The following POLR3A variants were observed in gnomAD, a reference collection of about 807,000 sequenced individuals.
The protein encoded by POLR3A is DNA-directed RNA polymerase III subunit RPC1.
Under a neutral mutation model 152.8 loss-of-function variants are expected in POLR3A, and 112 were observed. The observed-to-expected ratio is 0.73, with a 90% CI of 0.63 to 0.86. POLR3A has a LOEUF of 0.86. POLR3A is among the 40% of genes least tolerant of loss of function. The pLI is 0.00. For synonymous variants in POLR3A, 615 were observed against 652.1 expected (o/e 0.94, Z 0.87); for missense variants, 1,385 against 1,743.1 (o/e 0.79, Z 3.66).
At chr10:78,017,129 G>T (rs944305874) in intron 10 of POLR3A, among the ~76,000 whole-genome samples, 1 of 151,860 alleles carries the variant, frequency 6.6e-6, no homozygotes, top group African/African-American at 2.4e-5. Context: ...GAGACCAATA[G>T]TTATGAAAGG....
Position 77,982,756 on chromosome 10 carries a change from T to A in POLR3A, c.3491A>T (p.Asp1164Val), listed in dbSNP as rs745494183. 1.2e-6 allele frequency: 2 copies of A among 1,613,974 alleles called. No homozygotes were observed. Among genetic ancestry groups the A allele is most frequent in the East Asian group, 4.5e-5 (2 of 44,864 alleles). Reference protein sequence around the residue: ...CTSKLRVKPGDVAVHGEAVVC... With the variant: ...CTSKLRVKPGVVAVHGEAVVC... Reference sequence around the variant, plus strand: ...CACAGCCTCACCATGAACAGCCACATCACCGGGCTTCACACGGAGCTTGGA... The same window carrying A: ...CACAGCCTCACCATGAACAGCCACAACACCGGGCTTCACACGGAGCTTGGA... The change falls in exon 27 of 31, where the codon GAT becomes GTT. Residue 1164 changes from aspartate to valine, a missense_variant. By Grantham distance (152) the Asp-to-Val change is radical. Transcript: ENST00000372371.
intron 19 of POLR3A, 82 bp downstream of exon 19, chr10:77,999,899 G>T: frequency 7.4e-7 from 1 of 1,344,772 alleles, no homozygotes; most frequent in Non-Finnish European, 1.1e-6. Context: ...TACAGCTCAT[G>T]TGCAAAACGT....
Position 77,975,594 on chromosome 10 carries a change from TACTC to T in POLR3A, c.*1880_*1883del, listed in dbSNP as rs1434132829. The T allele has an allele frequency of 6.6e-6, 1 of 152,366 alleles. No homozygotes were observed. The highest frequency in any genetic ancestry group is 1.5e-5 in the Non-Finnish European group (1 of 68,116). 9.4% of individuals were successfully genotyped at this position (152,366 alleles called of 1,614,324 possible). ...CCAGACCCTGCAGCGCCCAACTGAG[TACTC>T]ACTCACGCAAGGTGAGGCTCCTTGG... On this transcript the variant is annotated 3_prime_UTR_variant, in exon 31 of 31. Transcript: ENST00000372371.
intron 19 of POLR3A, among the ~76,000 whole-genome samples, chr10:77,994,065 C>G (rs1260123448): frequency 6.6e-6 from 1 of 152,086 alleles, no homozygotes; most frequent in East Asian, 1.9e-4. Flanking sequence ...AAAGTAAAGA[C>G]AAAAAAATTA....
chr10:78,004,409 G>C (rs930245165), intron 16 of POLR3A, among the ~76,000 whole-genome samples: 1 of 152,116 alleles, frequency 6.6e-6, no homozygotes, highest in African/African-American at 2.4e-5. Context: ...GAGCAGCCTC[G>C]TGTGGCCGAA....
chr10:78,001,439 G>C (rs191011818), intron 17 of POLR3A, among the ~76,000 whole-genome samples: 47 of 152,204 alleles, frequency 3.1e-4, no homozygotes, highest in Admixed American at 2.8e-3. Context: ...AAGTGGGTGG[G>C]AAAGTAGGAA....
At chr10:77,999,913 C>T (rs1028989395) in intron 19 of POLR3A, 68 bp downstream of exon 19, 6 of 1,485,184 alleles carry the variant, frequency 4.0e-6, no homozygotes, top group Non-Finnish European at 5.6e-6. Flanking sequence ...AAAACGTGTA[C>T]TCAATAGTCA....
At position 78,025,686 on chromosome 10, in the gene POLR3A, T is replaced by A. The variant is rs1309600867; in HGVS notation, c.254A>T (p.Tyr85Phe). The change falls in exon 3 of 31, where the codon TAT becomes TTT. Residue 85 changes from tyrosine to phenylalanine, a missense_variant. Tyr to Phe is a conservative substitution (Grantham distance 22, BLOSUM62 3). Coordinates refer to ENST00000372371, the MANE Select transcript of POLR3A (RefSeq NM_007055.4). ...AAAACACGGCAACTCCAGGTCGATA[T>A]ACCCATAGTGGCCTAGACAGTCAGC... ...NLADCLGHYG[Y>F]IDLELPCFHV... 1 of 1,613,996 alleles carries A rather than the reference T, an allele frequency of 6.2e-7. No homozygotes were observed. The highest frequency in any genetic ancestry group is 8.5e-7 in the Non-Finnish European group (1 of 1,179,886).
intron 11 of POLR3A, among the ~76,000 whole-genome samples, chr10:78,011,856 A>T (rs1375180428): frequency 6.6e-6 from 1 of 152,190 alleles, no homozygotes; most frequent in African/African-American, 2.4e-5. Context: ...GTAACTAAGG[A>T]TTCTTCTACC....
chr10:77,982,215 C>A lies in POLR3A; in HGVS notation c.3698G>T (p.Arg1233Leu). The change falls in exon 28 of 31, where the codon CGG (arginine) becomes CTG (leucine). Residue 1233 changes from arginine (R) to leucine (L), a missense_variant. Arg to Leu is a moderately radical substitution (Grantham distance 102). Transcript: ENST00000372371. ...YKLLVEGDNL[R>L]AVMATHGVKG... is the part of the protein sequence containing the mutation. Reference sequence around the variant, plus strand: ...CACACCGTGTGTGGCCATGACTGCCCGCAGGTTATCACCTTCCACCAGAAG... The same window carrying A: ...CACACCGTGTGTGGCCATGACTGCCAGCAGGTTATCACCTTCCACCAGAAG... 6.2e-7 allele frequency: 1 copy of A among 1,614,012 alleles called. No homozygotes were observed. The highest frequency in any genetic ancestry group is 8.5e-7 in the Non-Finnish European group (1 of 1,180,004).
At chr10:77,986,514 G>A (rs928860380) in intron 21 of POLR3A, among the ~76,000 whole-genome samples, 5 of 152,230 alleles carry the variant, frequency 3.3e-5, no homozygotes, top group East Asian at 1.9e-4. Context: ...AGACAGGTAC[G>A]ACTGAAGCAT....
chr10:78,027,464 C>CAATGAGACCATTGAGA (rs1228265184), intron 1 of POLR3A, among the ~76,000 whole-genome samples: 1 of 152,046 alleles, frequency 6.6e-6, no homozygotes, highest in Non-Finnish European at 1.5e-5. Context: ...TTGAGACCAT[C>CAATGAGACCATTGAGA]CTGGCTAACA....
At chr10:77,983,890 T>G in intron 26 of POLR3A, 30 bp downstream of exon 26, 1 of 1,398,986 alleles carries the variant, frequency 7.1e-7, no homozygotes, top group Non-Finnish European at 1.0e-6. Flanking sequence ...ACAGGATGAC[T>G]TCCTCTCTAC....
intron 24 of POLR3A, among the ~76,000 whole-genome samples, chr10:77,984,740 C>G (rs1847181534): frequency 6.6e-6 from 1 of 152,194 alleles, no homozygotes; most frequent in African/African-American, 2.4e-5. Flanking sequence ...TAATACATTT[C>G]TATTTCTTCT....
chr10:77,977,464 CCT>C lies in POLR3A; in HGVS notation c.*12_*13del. 6.2e-7 allele frequency: 1 copy of C among 1,613,616 alleles called. No individual in the cohort carries two copies. The highest frequency in any genetic ancestry group is 1.1e-5 in the South Asian group (1 of 91,064). On this transcript the variant is annotated 3_prime_UTR_variant, in exon 31 of 31. Coordinates refer to ENST00000372371, the MANE Select transcript of POLR3A (RefSeq NM_007055.4). ...AAGGAGTCAAGGTCAGGCATGGTCC[CCT>C]CTTTCTTTGGACTATGTGACAAGGG...
rs531897141 is a variant in POLR3A at position 78,007,685 on chromosome 10, G to A, written c.2074+17C>T. On this transcript the variant is annotated intron_variant, in intron 15 of 30. Transcript: ENST00000372371. ...CAATTGCAGCTTTAACTAAAAGAAG[G>A]ATGCTGAGATACTTACACAGGTAGA... 6.2e-7 allele frequency: 1 copy of A among 1,610,238 alleles called. No homozygotes were observed. Among genetic ancestry groups the A allele is most frequent in the African/African-American group, 1.3e-5 (1 of 74,790 alleles).
chr10:78,018,483 A>G (rs1427995883), intron 9 of POLR3A, among the ~76,000 whole-genome samples: 1 of 151,576 alleles, frequency 6.6e-6, no homozygotes, highest in African/African-American at 2.4e-5. Context: ...TGGGTAACAC[A>G]GCAAGACTCT....
Position 77,989,809 on chromosome 10 carries a change from C to T in POLR3A, c.2901+1245G>A, listed in dbSNP as rs184748130. Among the ~76,000 whole-genome samples, 79 of 151,666 alleles carry T rather than the reference C, an allele frequency of 5.2e-4. 1 individual carries two copies. The South Asian group carries it at 0.016, about 30-fold the overall frequency. ...AAACAGATAAATACGTAAACATGAG[C>T]GTGAAGAAAAACCAAATTACAACTC... is the stretch of plus-strand genomic sequence containing the variant. On this transcript the variant is annotated intron_variant, in intron 21 of 30. Coordinates refer to ENST00000372371, the MANE Select transcript of POLR3A (RefSeq NM_007055.4).
intron 21 of POLR3A, among the ~76,000 whole-genome samples, chr10:77,986,516 C>T (rs1346441612): frequency 1.3e-5 from 2 of 152,228 alleles, no homozygotes; most frequent in Non-Finnish European, 2.9e-5. Context: ...ACAGGTACGA[C>T]TGAAGCATTT....
Sources: gnomAD v4.1 joint callset for allele counts (sites outside exome capture counted in the v4.1 genomes callset) on GRCh38, gnomAD v4.1.1 for gene constraint, MANE v1.5 for transcripts, NCBI Gene and HGNC (gene_info 2026-07-23, HGNC 2026-07-21) for gene names.